Variants in RGS22 observed in about 807,000 individuals in gnomAD.
RGS22 encodes the protein regulator of G-protein signaling 22.
Under a neutral mutation model 172.9 loss-of-function variants are expected in RGS22, and 148 were observed. The observed-to-expected ratio is 0.86, with a 90% CI of 0.75 to 0.98. The LOEUF is 0.98. Among genes scored for constraint, RGS22 ranks in the 50% least tolerant of loss-of-function variants. RGS22 has a pLI of 0.00. For missense variants in RGS22, 1,347 were observed against 1,440.8 expected (o/e 0.93, Z 1.05); for synonymous variants, 458 against 480.2 (o/e 0.95, Z 0.60).
chr8:100,018,884 T>C (rs899767867), intron 14 of RGS22, among the ~76,000 whole-genome samples: 1 of 152,216 alleles, frequency 6.6e-6, no homozygotes, highest in Non-Finnish European at 1.5e-5. Context: ...AGACTTACTT[T>C]TCCCACATTA....
Position 100,041,874 on chromosome 8 carries a change from T to C in RGS22, c.1866A>G (p.Thr622=), listed in dbSNP as rs1820170165. Reference sequence around the variant, plus strand: ...GACATTCAGAAATGTCAGTAAAAGATGTTAAATGAATGACTTTGCTGCTTT... The same window carrying C: ...GACATTCAGAAATGTCAGTAAAAGACGTTAAATGAATGACTTTGCTGCTTT... ...MSESSKVIHL[T]SFTDISECLK... is the part of the protein sequence containing the mutation. Residue 622 remains threonine (T), a synonymous_variant, in exon 12 of 28, where the codon ACA becomes ACG. Coordinates refer to ENST00000360863, the MANE Select transcript of RGS22 (RefSeq NM_015668.5). 1 of 1,613,200 alleles carries C rather than the reference T, an allele frequency of 6.2e-7. No homozygotes were observed. Among genetic ancestry groups the C allele is most frequent in the East Asian group, 2.2e-5 (1 of 44,770 alleles).
At chr8:100,084,383 T>C (rs1199296571) in intron 3 of RGS22, among the ~76,000 whole-genome samples, 1 of 151,996 alleles carries the variant, frequency 6.6e-6, no homozygotes, top group Non-Finnish European at 1.5e-5. Context: ...TATGTAAGCA[T>C]GAAAGTGAGG....
chr8:100,041,834 C>A lies in RGS22; in HGVS notation c.1906G>T (p.Asp636Tyr). The change falls in exon 12 of 28, where the codon GAT (aspartate) becomes TAT (tyrosine). Residue 636 changes from aspartate (D) to tyrosine (Y), a missense_variant. By Grantham distance (160) the Asp-to-Tyr change is radical. Coordinates refer to ENST00000360863, the MANE Select transcript of RGS22 (RefSeq NM_015668.5). ...TCTTCTGTATAAGCGTATCTTCTAT[C>A]CAGCTGGGGCTTGAGACATTCAGAA... is the stretch of plus-strand genomic sequence containing the variant. ...DISECLKPQL[D>Y]RRYAYTEEPR... 2 of 1,612,580 alleles carry A rather than the reference C, an allele frequency of 1.2e-6. No homozygotes were observed. Among genetic ancestry groups the A allele is most frequent in the Non-Finnish European group, 1.7e-6 (2 of 1,178,828 alleles).
chr8:100,067,289 GTCACC>G (rs1321587702), intron 6 of RGS22, among the ~76,000 whole-genome samples: 1 of 152,160 alleles, frequency 6.6e-6, no homozygotes, highest in East Asian at 1.9e-4. Context: ...CATCTATGTA[GTCACC>G]ATCCCTCTTA....
intron 7 of RGS22, among the ~76,000 whole-genome samples, chr8:100,065,563 G>A (rs961975771): frequency 1.3e-5 from 2 of 152,006 alleles, no homozygotes; most frequent in African/African-American, 4.8e-5. Flanking sequence ...TCACACTTAA[G>A]TTTTTTTCTC....
chr8:99,970,700 A>T (rs1054041496), intron 23 of RGS22, among the ~76,000 whole-genome samples: 24 of 152,238 alleles, frequency 1.6e-4, no homozygotes, highest in Non-Finnish European at 2.8e-4. Flanking sequence ...ATCCCTGAAT[A>T]GACCAATAAC....
At position 99,993,614 on chromosome 8, in the gene RGS22, C is replaced by T. The variant is rs149030022; in HGVS notation, c.3018+2848G>A. ...CCAAAAACAGGCTCTGAAATTGAGG[C>T]AATAATTAATAGCCTACCAACCAAA... On this transcript the variant is annotated intron_variant, in intron 20 of 27. Transcript: ENST00000360863. 7.1e-3 allele frequency among the ~76,000 whole-genome samples: 1,083 copies of T among 152,192 alleles called. 16 individuals carry two copies. Among genetic ancestry groups the T allele is most frequent in the African/African-American group, 0.024 (1,004 of 41,524 alleles).
At chr8:99,985,697 G>T (rs1472899418) in intron 21 of RGS22, among the ~76,000 whole-genome samples, 2 of 152,102 alleles carry the variant, frequency 1.3e-5, no homozygotes, top group Non-Finnish European at 2.9e-5. Flanking sequence ...ACCTAGTATT[G>T]TAAGTCTGTC....
At chr8:100,028,863 G>T (rs530305835) in intron 14 of RGS22, among the ~76,000 whole-genome samples, 4 of 152,278 alleles carry the variant, frequency 2.6e-5, no homozygotes, top group African/African-American at 9.6e-5. Context: ...CCAAGTATGG[G>T]CATAACATGT....
At chr8:100,047,372 G>T in intron 11 of RGS22, 91 bp downstream of exon 11, 1 of 1,160,998 alleles carries the variant, frequency 8.6e-7, no homozygotes, top group Non-Finnish European at 1.2e-6. Context: ...AAATATCAAA[G>T]TACTAGTTTT....
rs143945754 is a variant in RGS22, at chr8:100,022,754, T to A, written c.2167-14185A>T. 3.8e-3 allele frequency among the ~76,000 whole-genome samples: 579 copies of A among 152,138 alleles called. 3 individuals are homozygous for A. Among genetic ancestry groups the A allele is most frequent in the African/African-American group, 0.013 (523 of 41,528 alleles). On this transcript the variant is annotated intron_variant, in intron 14 of 27. Coordinates refer to ENST00000360863, the MANE Select transcript of RGS22 (RefSeq NM_015668.5). ...AATTAAATTAATTAATTAATTTATT[T>A]ATTTATTTTTAAATAGGGTCTCACT...
At chr8:100,065,962 T>G (rs1388853566) in intron 7 of RGS22, among the ~76,000 whole-genome samples, 1 of 152,158 alleles carries the variant, frequency 6.6e-6, no homozygotes, top group Non-Finnish European at 1.5e-5. Context: ...ATCACACAGC[T>G]AATAAATATC....
chr8:100,085,117 T>C (rs1812068904), intron 3 of RGS22, among the ~76,000 whole-genome samples: 1 of 152,162 alleles, frequency 6.6e-6, no homozygotes, highest in Non-Finnish European at 1.5e-5. Flanking sequence ...AAGTTGTAAC[T>C]AGATAAACCG....
At chr8:100,099,361 A>G (rs1336418825) in intron 2 of RGS22, among the ~76,000 whole-genome samples, 1 of 152,216 alleles carries the variant, frequency 6.6e-6, no homozygotes, top group Non-Finnish European at 1.5e-5. Flanking sequence ...TTTAAAGCAG[A>G]GAGTATCTCA....
At chr8:100,039,128 C>T (rs1819827795) in intron 13 of RGS22, 96 bp from the exon 14 acceptor site, 2 of 543,160 alleles carry the variant, frequency 3.7e-6, no homozygotes, top group Non-Finnish European at 6.2e-6. Flanking sequence ...TAGCTCCTTG[C>T]TGTTACCATA....
intron 15 of RGS22, among the ~76,000 whole-genome samples, chr8:100,006,787 A>G (rs1406665004): frequency 6.6e-6 from 1 of 152,180 alleles, no homozygotes; most frequent in East Asian, 1.9e-4. Context: ...AAGTCCTCAT[A>G]CTTCCAGAAG....
chr8:100,070,278 A>C (rs1316200293), intron 6 of RGS22, among the ~76,000 whole-genome samples: 3 of 152,174 alleles, frequency 2.0e-5, no homozygotes, highest in African/African-American at 7.2e-5. Flanking sequence ...AATTTTTATC[A>C]ATCCTTTGCT....
chr8:99,985,972 T>A (rs1314078583), intron 21 of RGS22, among the ~76,000 whole-genome samples: 3 of 152,146 alleles, frequency 2.0e-5, no homozygotes, highest in Non-Finnish European at 4.4e-5. Context: ...CTCAAAAAAA[T>A]TATTTTAATA....
At position 100,004,208 on chromosome 8, in the gene RGS22, T is replaced by C. The variant is rs114938029; in HGVS notation, c.2455-110A>G. The stretch of plus-strand genomic sequence containing the variant: ...CAACCATTAGGCCAAAGCCATTTAA[T>C]AATTCAATGGCAGAGTGGGTAAAGA... On this transcript the variant is annotated intron_variant, in intron 16 of 27. Coordinates refer to ENST00000360863, the MANE Select transcript of RGS22 (RefSeq NM_015668.5). 2.3e-4 allele frequency: 303 copies of C among 1,323,130 alleles called. No homozygotes were observed. In the African/African-American group the frequency reaches 4.3e-3, roughly 19 times the overall value. The allele number at this position is 1,323,130 out of a possible 1,614,324, so 82.0% of individuals were successfully genotyped here. A position where few individuals can be genotyped will look rare whatever the true frequency, so the allele number is the denominator to read the frequency against.
Sources: gnomAD v4.1 joint callset for allele counts (sites outside exome capture counted in the v4.1 genomes callset) on GRCh38, gnomAD v4.1.1 for gene constraint, MANE v1.5 for transcripts, NCBI Gene and HGNC (gene_info 2026-07-23, HGNC 2026-07-21) for gene names.